The following ARHGAP42 variants were observed in gnomAD, a reference collection of about 807,000 sequenced individuals.
ARHGAP42 encodes Rho GTPase activating protein 42.
In ARHGAP42, 63 loss-of-function variants were observed where a neutral mutation model predicts 125.0. The observed-to-expected ratio is 0.50, with a 90% CI of 0.41 to 0.62. The LOEUF is 0.62. Ranked by LOEUF, ARHGAP42 falls within the 20% of genes least tolerant of loss-of-function variation. The pLI, the probability that ARHGAP42 is intolerant of heterozygous loss-of-function variation, is 0.00. For synonymous variants in ARHGAP42, 339 were observed against 351.0 expected, an observed-to-expected ratio of 0.97 and a Z score of 0.38; for missense variants, 766 against 1,024.2, an observed-to-expected ratio of 0.75 and a Z score of 3.44.
chr11:100,872,575 T>C (rs1865722060), intron 4 of ARHGAP42, among the ~76,000 whole-genome samples: 1 of 152,144 alleles, frequency 6.6e-6, no homozygotes. Context: ...GTGTTTTTAG[T>C]AGAGACGGGG....
At chr11:100,762,826 G>C (rs1399329838) in intron 1 of ARHGAP42, among the ~76,000 whole-genome samples, 2 of 152,040 alleles carry the variant, frequency 1.3e-5, no homozygotes, top group African/African-American at 4.8e-5. Flanking sequence ...AAAGCAAGGC[G>C]TAGTTGATGT....
chr11:100,688,647 C>G (rs1861132101), intron 1 of ARHGAP42, among the ~76,000 whole-genome samples: 1 of 152,212 alleles, frequency 6.6e-6, no homozygotes, highest in African/African-American at 2.4e-5. Context: ...AAGAGTTTCT[C>G]TTACAGAGAA....
intron 1 of ARHGAP42, among the ~76,000 whole-genome samples, chr11:100,735,906 G>A (rs573369470): frequency 3.0e-4 from 46 of 152,224 alleles, no homozygotes; most frequent in Admixed American, 5.2e-4. Context: ...GTGAGCTACC[G>A]CGCCCAGCAG....
intron 1 of ARHGAP42, among the ~76,000 whole-genome samples, chr11:100,705,744 T>G (rs1032077662): frequency 6.6e-6 from 1 of 152,110 alleles, no homozygotes; most frequent in South Asian, 2.1e-4. Flanking sequence ...TTTTATTTTA[T>G]TTTTTAGAGT....
chr11:100,906,340 A>G (rs955204325), intron 4 of ARHGAP42, among the ~76,000 whole-genome samples: 3 of 152,186 alleles, frequency 2.0e-5, no homozygotes, highest in African/African-American at 7.2e-5. Context: ...CTAGGTTTGA[A>G]TGAATTAGTC....
chr11:100,863,816 T>A (rs1468520938), intron 4 of ARHGAP42, among the ~76,000 whole-genome samples: 1 of 152,190 alleles, frequency 6.6e-6, no homozygotes, highest in Admixed American at 6.5e-5. Context: ...ATGTTTGGTT[T>A]CTCCTGACAC....
At chr11:100,975,130 T>G (rs1192755823) in intron 19 of ARHGAP42, among the ~76,000 whole-genome samples, 1 of 152,148 alleles carries the variant, frequency 6.6e-6, no homozygotes, top group Non-Finnish European at 1.5e-5. Flanking sequence ...TCATTTTATT[T>G]TATACCCCCC....
At chr11:100,779,063 G>A (rs1469881639) in intron 2 of ARHGAP42, among the ~76,000 whole-genome samples, 2 of 152,050 alleles carry the variant, frequency 1.3e-5, no homozygotes, top group African/African-American at 4.8e-5. Context: ...TATTTGTAGA[G>A]TGAACAACCA....
At chr11:100,768,524 G>A (rs1241065948) in intron 1 of ARHGAP42, among the ~76,000 whole-genome samples, 1 of 152,128 alleles carries the variant, frequency 6.6e-6, no homozygotes, top group South Asian at 2.1e-4. Flanking sequence ...TGGCCAAGGA[G>A]GGAGAATTTA....
intron 5 of ARHGAP42, among the ~76,000 whole-genome samples, chr11:100,914,945 A>G (rs1229514732): frequency 1.3e-5 from 2 of 152,130 alleles, no homozygotes; most frequent in Non-Finnish European, 2.9e-5. Context: ...TCCAACAGGC[A>G]TATGTTCTCA....
intron 12 of ARHGAP42, among the ~76,000 whole-genome samples, chr11:100,953,764 G>C (rs920272316): frequency 1.3e-5 from 2 of 152,174 alleles, no homozygotes; most frequent in Non-Finnish European, 2.9e-5. Context: ...GTCAATGACA[G>C]GGTATTGAAT....
At chr11:100,921,164 C>G (rs1265528104) in intron 5 of ARHGAP42, among the ~76,000 whole-genome samples, 2 of 131,512 alleles carry the variant, frequency 1.5e-5, no homozygotes, top group Admixed American at 8.1e-5. Context: ...TTTCTATGAT[C>G]CAGTGATTTT....
In ARHGAP42 at chr11:100,973,323, C is replaced by T. The variant is rs1858303587; in HGVS notation, c.1699C>T (p.His567Tyr). Residue 567 changes from histidine to tyrosine, a missense_variant, in exon 18 of 24, where the codon CAC becomes TAC. Coordinates refer to ENST00000298815, the MANE Select transcript of ARHGAP42 (RefSeq NM_152432.4). ...TATTGTGGTAGAAATTCTGATAGAGCACTATGAAAAGGTAGGCGGAATTTT... is the reference window on the plus strand; with the variant it reads ...TATTGTGGTAGAAATTCTGATAGAGTACTATGAAAAGGTAGGCGGAATTTT... ...QNIVVEILIE[H>Y]YEKIFHTAPD... 1.3e-6 allele frequency: 2 copies of T among 1,549,226 alleles called. No homozygotes were observed. The highest frequency in any genetic ancestry group is 8.7e-7 in the Non-Finnish European group (1 of 1,146,224).
At position 100,705,019 on chromosome 11, in the gene ARHGAP42, A is replaced by C. The variant is rs59631663; in HGVS notation, c.154+17187A>C. ...ACCCCAACAACAACAACAACAAAAA[A>C]AAAAAAAAAAAAAAGAGAGAAGAAA... On this transcript the variant is annotated intron_variant, in intron 1 of 23. Coordinates refer to ENST00000298815, the MANE Select transcript of ARHGAP42 (RefSeq NM_152432.4). 1.8e-3 allele frequency among the ~76,000 whole-genome samples: 155 copies of C among 88,540 alleles called. 1 individual carries two copies. The East Asian group carries it at 0.03, about 17-fold the overall frequency. 58.1% of individuals were successfully genotyped at this position (88,540 alleles called of 152,430 possible).
chr11:100,746,359 G>T (rs927823331), intron 1 of ARHGAP42, among the ~76,000 whole-genome samples: 1 of 152,176 alleles, frequency 6.6e-6, no homozygotes, highest in Non-Finnish European at 1.5e-5. Flanking sequence ...ACATTGGCAC[G>T]ATTTGTTACC....
chr11:100,962,105 C>G (rs949135726), intron 15 of ARHGAP42, among the ~76,000 whole-genome samples: 1 of 151,648 alleles, frequency 6.6e-6, no homozygotes, highest in Non-Finnish European at 1.5e-5. Context: ...AACTATTGTT[C>G]CCATATTTGT....
At chr11:100,813,883 A>G (rs1187231203) in intron 3 of ARHGAP42, among the ~76,000 whole-genome samples, 1 of 152,092 alleles carries the variant, frequency 6.6e-6, no homozygotes, top group Non-Finnish European at 1.5e-5. Context: ...TTGTCTTTTG[A>G]TAGGTAGGAG....
intron 3 of ARHGAP42, among the ~76,000 whole-genome samples, chr11:100,841,604 C>T (rs1056235192): frequency 7.9e-5 from 12 of 152,160 alleles, no homozygotes; most frequent in South Asian, 6.2e-4. Flanking sequence ...TCAAGACCTT[C>T]GGTGCTCTGT....
chr11:100,847,931 T>C (rs1865108451), intron 3 of ARHGAP42, among the ~76,000 whole-genome samples: 1 of 152,174 alleles, frequency 6.6e-6, no homozygotes, highest in Admixed American at 6.5e-5. Flanking sequence ...TGAAAATGCA[T>C]TAGTCGACCC....
Sources: gnomAD v4.1 joint callset for allele counts (sites outside exome capture counted in the v4.1 genomes callset) on GRCh38, gnomAD v4.1.1 for gene constraint, MANE v1.5 for transcripts, NCBI Gene and HGNC (gene_info 2026-07-23, HGNC 2026-07-21) for gene names.